VIPAS39: variants seen among roughly 807,000 people sequenced by gnomAD.
VIPAS39 encodes the protein VPS33B interacting protein, apical-basolateral polarity regulator, spe-39 homolog, also known as spermatogenesis-defective protein 39 homolog.
In VIPAS39, 63 loss-of-function variants were observed where a neutral mutation model predicts 84.7. That is an observed-to-expected ratio of 0.74 (90% CI 0.61 to 0.92). VIPAS39 has a LOEUF of 0.92. VIPAS39 is among the 40% of genes least tolerant of loss of function. The pLI, the probability that VIPAS39 is intolerant of heterozygous loss-of-function variation, is 0.00. For missense variants in VIPAS39, 499 were observed against 604.5 expected, an observed-to-expected ratio of 0.83 and a Z score of 1.83; for synonymous variants, 192 against 216.5, an observed-to-expected ratio of 0.89 and a Z score of 0.99.
rs995454022 is a variant in VIPAS39, at chr14:77,427,455, G to A, written c.*161C>T. On this transcript the variant is annotated 3_prime_UTR_variant, in exon 20 of 20. Transcript: ENST00000557658. Reference sequence around the variant, plus strand: ...ATCCTCAGATGATGTTCCTTGGACAGAAGATCAGTCTGAAGTTATCTGTGT... The same window carrying A: ...ATCCTCAGATGATGTTCCTTGGACAAAAGATCAGTCTGAAGTTATCTGTGT... 3.8e-6 allele frequency: 3 copies of A among 779,542 alleles called. No homozygotes were observed. The African/African-American group carries it at 5.2e-5, about 14-fold the overall frequency. The allele number at this position is 779,542 out of a possible 1,614,324, so 48.3% of individuals were successfully genotyped here. A position where few individuals can be genotyped will look rare whatever the true frequency, so the allele number is the denominator to read the frequency against.
At chr14:77,433,045 T>C (rs186519303) in intron 16 of VIPAS39, among the ~76,000 whole-genome samples, 44 of 152,188 alleles carry the variant, frequency 2.9e-4, no homozygotes, top group African/African-American at 1.1e-3. Flanking sequence ...AGTAAAGACA[T>C]GACAACCAAA....
At chr14:77,430,573 C>T (rs565682617) in intron 16 of VIPAS39, among the ~76,000 whole-genome samples, 7 of 151,908 alleles carry the variant, frequency 4.6e-5, no homozygotes, top group Admixed American at 2.0e-4. Flanking sequence ...AAAAATTAGC[C>T]GGGCAGGGTG....
intron 1 of VIPAS39, chr14:77,457,237 C>CA: frequency 6.5e-7 from 1 of 1,531,140 alleles, no homozygotes; most frequent in Non-Finnish European, 8.7e-7. Context: ...CCGCAGTCGT[C>CA]AGAGCCCAGC....
intron 4 of VIPAS39, among the ~76,000 whole-genome samples, 170 bp from the exon 5 acceptor site, chr14:77,449,922 C>A (rs1404107944): frequency 1.3e-5 from 2 of 152,174 alleles, no homozygotes; most frequent in Admixed American, 1.3e-4. Context: ...AAAAATGGAG[C>A]AGGGAGAAAA....
At chr14:77,435,422 A>AAAC (rs1226156748) in intron 13 of VIPAS39, 29 bp from the exon 14 acceptor site, 2 of 1,610,608 alleles carry the variant, frequency 1.2e-6, no homozygotes, top group East Asian at 4.5e-5. Context: ...AGTGAAAAAA[A>AAAC]AAAAAAACAA....
intron 3 of VIPAS39, among the ~76,000 whole-genome samples, chr14:77,452,779 C>CAA (rs11418833): frequency 0.075 from 8,018 of 106,244 alleles, 504 homozygotes; most frequent in Non-Finnish European, 0.11. Context: ...GACTCCATCT[C>CAA]AAAAAAAAAA....
intron 14 of VIPAS39, 155 bp downstream of exon 14, chr14:77,435,103 GC>G: frequency 8.8e-7 from 1 of 1,139,794 alleles, no homozygotes; most frequent in Non-Finnish European, 1.3e-6. Flanking sequence ...GCCAGATGAG[GC>G]CCTCTTACCC....
chr14:77,443,000 C>T (rs1470583917), intron 9 of VIPAS39, 119 bp downstream of exon 9: 1 of 1,385,774 alleles, frequency 7.2e-7, no homozygotes, highest in East Asian at 2.4e-5. Flanking sequence ...CTCAGGCCAC[C>T]CCACTTGTCT....
Position 77,444,884 on chromosome 14 carries a change from T to C in VIPAS39, c.505-543A>G, listed in dbSNP as rs183187896. ...GGCATGAGCCACCGCGCCCAGCCAA[T>C]CACTTGTTCTTTTTTAAGAACCCTT... is the stretch of plus-strand genomic sequence containing the variant. On this transcript the variant is annotated intron_variant, in intron 7 of 19. Coordinates refer to ENST00000557658, the MANE Select transcript of VIPAS39 (RefSeq NM_001193315.2). 2.1e-3 allele frequency among the ~76,000 whole-genome samples: 322 copies of C among 151,800 alleles called. 3 individuals are homozygous for C. The highest frequency in any genetic ancestry group is 7.3e-3 in the African/African-American group (303 of 41,426).
rs567463925 is a variant in VIPAS39, at chr14:77,428,273, C to T, written c.1461+97G>A. ...CCTTACATCCATGTGGCTTAGCCAA[C>T]TGCAATCCTTCCAGACCTTGGGAAC... is the stretch of plus-strand genomic sequence containing the variant. On this transcript the variant is annotated intron_variant, in intron 19 of 19. Coordinates refer to ENST00000557658, the MANE Select transcript of VIPAS39 (RefSeq NM_001193315.2). 3.8e-5 allele frequency: 43 copies of T among 1,132,850 alleles called. 1 individual carries two copies. The South Asian group carries it at 5.5e-4, about 14-fold the overall frequency. 70.2% of individuals were successfully genotyped at this position (1,132,850 alleles called of 1,614,324 possible). A position where few individuals can be genotyped will look rare whatever the true frequency, so the allele number is the denominator to read the frequency against.
intron 7 of VIPAS39, among the ~76,000 whole-genome samples, chr14:77,446,834 C>A (rs181272726): frequency 2.0e-5 from 3 of 152,050 alleles, no homozygotes; most frequent in African/African-American, 7.2e-5. Context: ...CTTCTTGAGA[C>A]AGGGTCTTGC....
At position 77,435,874 on chromosome 14, in the gene VIPAS39, G is replaced by A; in HGVS notation, c.882C>T (p.Tyr294=). Reference sequence around the variant, plus strand: ...TAATGATCTGACGTTCCAGGAGCGTGTAATGGTCCTGTATGTGTGCGGAAT... The same window carrying A: ...TAATGATCTGACGTTCCAGGAGCGTATAATGGTCCTGTATGTGTGCGGAAT... The part of the protein sequence containing the change: ...AEDSAHIQDH[Y]TLLERQIIIE... Residue 294 remains tyrosine (Y), a synonymous_variant, in exon 13 of 20, where the codon TAC becomes TAT. Coordinates refer to ENST00000557658, the MANE Select transcript of VIPAS39 (RefSeq NM_001193315.2). 1 of 1,614,196 alleles carries A rather than the reference G, an allele frequency of 6.2e-7. No individual in the cohort carries two copies. Among genetic ancestry groups the A allele is most frequent in the Non-Finnish European group, 8.5e-7 (1 of 1,180,024 alleles).
At chr14:77,452,287 CAA>C (rs999034984) in intron 3 of VIPAS39, among the ~76,000 whole-genome samples, 2 of 151,946 alleles carry the variant, frequency 1.3e-5, no homozygotes, top group Admixed American at 1.3e-4. Context: ...TTTCCAGATG[CAA>C]AAAGAGTCTT....
chr14:77,449,664 C>T (rs1228988349), intron 5 of VIPAS39, 50 bp downstream of exon 5: 1 of 1,610,104 alleles, frequency 6.2e-7, no homozygotes, highest in Non-Finnish European at 8.5e-7. Context: ...CCAGACTGTA[C>T]CAGATCAGTA....
intron 15 of VIPAS39, 38 bp from the exon 16 acceptor site, chr14:77,433,969 G>A: frequency 6.3e-7 from 1 of 1,588,750 alleles, no homozygotes; most frequent in Non-Finnish European, 8.6e-7. Context: ...AGGGGAAGTA[G>A]AAATACATCA....
intron 1 of VIPAS39, among the ~76,000 whole-genome samples, chr14:77,456,487 T>C (rs1250097930): frequency 6.6e-6 from 1 of 152,220 alleles, no homozygotes; most frequent in Non-Finnish European, 1.5e-5. Flanking sequence ...TCTTGTAAGG[T>C]AGGCCTGGGA....
In VIPAS39 at chr14:77,446,335, G is replaced by A. The variant is rs113765143; in HGVS notation, c.505-1994C>T. Among the ~76,000 whole-genome samples the A allele has an allele frequency of 7.2e-4, 109 of 151,736 alleles. 1 individual carries two copies. The highest frequency in any genetic ancestry group is 2.2e-3 in the African/African-American group (93 of 41,376). ...GCTTTTTTTTTAGAGAGAGGGTCTC[G>A]CTCTCTCGCCCAGGTTGGAGTGCAG... On this transcript the variant is annotated intron_variant, in intron 7 of 19. Transcript: ENST00000557658.
intron 18 of VIPAS39, 65 bp from the exon 19 acceptor site, chr14:77,428,539 G>T: frequency 1.4e-6 from 2 of 1,471,250 alleles, no homozygotes; most frequent in Non-Finnish European, 9.4e-7. Flanking sequence ...TTTTGCCCAG[G>T]ATGGTCTCAA....
chr14:77,441,468 T>A (rs942751020), intron 10 of VIPAS39, among the ~76,000 whole-genome samples: 2 of 152,110 alleles, frequency 1.3e-5, no homozygotes, highest in African/African-American at 4.8e-5. Flanking sequence ...ATGGACAGAG[T>A]ACAATGTGTT....
Sources: allele counts gnomAD v4.1 joint callset (sites outside exome capture counted in the v4.1 genomes callset), GRCh38; gene constraint gnomAD v4.1.1; transcripts MANE v1.5; gene names NCBI Gene and HGNC (gene_info 2026-07-23, HGNC 2026-07-21).